The following PDGFD variants were observed in gnomAD, a reference collection of about 807,000 sequenced individuals.
PDGFD encodes the protein platelet-derived growth factor D.
Under a neutral mutation model 44.7 loss-of-function variants are expected in PDGFD, and 30 were observed. The ratio of observed to expected loss-of-function variants is 0.67; its 90% CI spans 0.50 to 0.91. PDGFD has a LOEUF of 0.91. Among genes scored for constraint, PDGFD ranks in the 40% least tolerant of loss-of-function variants. The pLI, the probability that PDGFD is intolerant of heterozygous loss-of-function variation, is 0.00. For missense variants in PDGFD, 445 were observed against 457.8 expected (o/e 0.97, Z 0.25); for synonymous variants, 173 against 168.4 (o/e 1.03, Z -0.21).
intron 5 of PDGFD, among the ~76,000 whole-genome samples, chr11:103,927,862 C>T (rs1229177042): frequency 2.0e-5 from 3 of 152,216 alleles, no homozygotes; most frequent in African/African-American, 7.2e-5. Context: ...TCATCTATAA[C>T]ATGTAATCAT....
At chr11:104,112,525 A>T (rs1331295652) in intron 1 of PDGFD, among the ~76,000 whole-genome samples, 1 of 152,156 alleles carries the variant, frequency 6.6e-6, no homozygotes, top group African/African-American at 2.4e-5. Context: ...TACTAGGTAT[A>T]TACCCAAAGG....
chr11:104,157,535 T>G (rs527468490), intron 1 of PDGFD, among the ~76,000 whole-genome samples: 2 of 152,178 alleles, frequency 1.3e-5, no homozygotes, highest in Non-Finnish European at 2.9e-5. Flanking sequence ...CTGGAAATCT[T>G]GGCAAGTGCT....
chr11:103,988,396 G>A lies in PDGFD; in HGVS notation c.510+7669C>T, dbSNP rs79137335. On this transcript the variant is annotated intron_variant, in intron 3 of 6. Transcript: ENST00000393158. Reference sequence around the variant, plus strand: ...ACAGCATCCCTCTCAAGCTGGAAATGTGTTTACTCAGCACATCGGGGAGTC... The same window carrying A: ...ACAGCATCCCTCTCAAGCTGGAAATATGTTTACTCAGCACATCGGGGAGTC... 1.9e-3 allele frequency among the ~76,000 whole-genome samples: 290 copies of A among 151,936 alleles called. 1 individual carries two copies. The highest frequency in any genetic ancestry group is 3.5e-3 in the Admixed American group (53 of 15,194).
intron 6 of PDGFD, among the ~76,000 whole-genome samples, chr11:103,918,961 T>A (rs1055180239): frequency 3.3e-5 from 5 of 152,190 alleles, no homozygotes; most frequent in Non-Finnish European, 7.4e-5. Context: ...TGAAGGGCAC[T>A]TGTTAATAGG....
intron 1 of PDGFD, among the ~76,000 whole-genome samples, chr11:104,057,178 C>A (rs899776948): frequency 1.3e-5 from 2 of 152,038 alleles, no homozygotes; most frequent in African/African-American, 4.8e-5. Context: ...ATGAGTTTGA[C>A]AAAATATGTG....
At chr11:104,127,304 A>G (rs1184656923) in intron 1 of PDGFD, among the ~76,000 whole-genome samples, 1 of 152,124 alleles carries the variant, frequency 6.6e-6, no homozygotes, top group Non-Finnish European at 1.5e-5. Flanking sequence ...GATCCCACCC[A>G]TCGACCTTCT....
chr11:103,923,864 T>G (rs1299969595), intron 6 of PDGFD, among the ~76,000 whole-genome samples: 1 of 152,144 alleles, frequency 6.6e-6, no homozygotes, highest in African/African-American at 2.4e-5. Flanking sequence ...TTTGCAGAGT[T>G]CTAGAAGTAA....
intron 3 of PDGFD, among the ~76,000 whole-genome samples, chr11:103,980,264 T>G (rs575447372): frequency 4.3e-4 from 66 of 152,218 alleles, no homozygotes; most frequent in Middle Eastern, 3.4e-3. Context: ...GCTATGCATT[T>G]TAGACACTTG....
At chr11:103,939,638 A>G (rs1858551270) in intron 5 of PDGFD, among the ~76,000 whole-genome samples, 1 of 152,166 alleles carries the variant, frequency 6.6e-6, no homozygotes, top group Non-Finnish European at 1.5e-5. Flanking sequence ...GCAGCAATTT[A>G]AGGAGTATTT....
intron 1 of PDGFD, among the ~76,000 whole-genome samples, chr11:104,107,151 C>T (rs553151506): frequency 6.6e-6 from 1 of 152,092 alleles, no homozygotes; most frequent in Non-Finnish European, 1.5e-5. Context: ...AATTAAAGTC[C>T]CTAATCAATT....
chr11:104,139,497 C>T (rs193002769), intron 1 of PDGFD, among the ~76,000 whole-genome samples: 10 of 152,258 alleles, frequency 6.6e-5, no homozygotes, highest in Non-Finnish European at 1.5e-4. Flanking sequence ...TAGAAATAGG[C>T]TTCTGGGACA....
At chr11:104,037,830 G>T in intron 1 of PDGFD, 1 of 1,614,152 alleles carries the variant, frequency 6.2e-7, no homozygotes, top group Non-Finnish European at 8.5e-7. Flanking sequence ...ATATGCTCCG[G>T]AGACATCAAT....
chr11:103,921,164 G>C (rs559196994), intron 6 of PDGFD, among the ~76,000 whole-genome samples: 1 of 152,050 alleles, frequency 6.6e-6, no homozygotes, highest in Non-Finnish European at 1.5e-5. Context: ...AGACCATGAG[G>C]CTTCACTTAA....
chr11:103,940,369 T>C (rs1438160649), intron 5 of PDGFD, among the ~76,000 whole-genome samples: 1 of 152,116 alleles, frequency 6.6e-6, no homozygotes, highest in Non-Finnish European at 1.5e-5. Context: ...CCACTTTCCA[T>C]CTGTCTGGAC....
At chr11:103,941,831 CA>C (rs1306464415) in intron 5 of PDGFD, among the ~76,000 whole-genome samples, 2 of 152,002 alleles carry the variant, frequency 1.3e-5, no homozygotes, top group Non-Finnish European at 2.9e-5. Flanking sequence ...CTCGTTTGTC[CA>C]ATACTATTTT....
intron 1 of PDGFD, among the ~76,000 whole-genome samples, chr11:104,078,486 A>T (rs1369708679): frequency 1.2e-5 from 1 of 84,410 alleles, no homozygotes; most frequent in Non-Finnish European, 2.2e-5. Context: ...TTACCCTACC[A>T]CTCTCTCCCT....
intron 3 of PDGFD, among the ~76,000 whole-genome samples, chr11:103,983,983 G>A: frequency 6.6e-6 from 1 of 151,678 alleles, no homozygotes; most frequent in Non-Finnish European, 1.5e-5. Flanking sequence ...AGCCATGGCA[G>A]AAGACAGTGT....
At chr11:104,152,133 T>C (rs1862255532) in intron 1 of PDGFD, among the ~76,000 whole-genome samples, 1 of 152,192 alleles carries the variant, frequency 6.6e-6, no homozygotes, top group Admixed American at 6.5e-5. Flanking sequence ...AGTGGTTATG[T>C]TTTTTGTAGT....
At chr11:104,001,447 A>T (rs1019705455) in intron 1 of PDGFD, among the ~76,000 whole-genome samples, 3 of 152,246 alleles carry the variant, frequency 2.0e-5, no homozygotes, top group Non-Finnish European at 4.4e-5. Context: ...TCTAGCAAAT[A>T]TCAAACCTGG....
Sources: gnomAD v4.1 joint callset for allele counts (sites outside exome capture counted in the v4.1 genomes callset) on GRCh38, gnomAD v4.1.1 for gene constraint, MANE v1.5 for transcripts, NCBI Gene and HGNC (gene_info 2026-07-23, HGNC 2026-07-21) for gene names.